The following NRXN1 variants were observed in gnomAD, a reference collection of about 807,000 sequenced individuals.
NRXN1 encodes neurexin-1.
In NRXN1, 39 loss-of-function variants were observed where a neutral mutation model predicts 150.9. The observed-to-expected ratio is 0.26, with a 90% CI of 0.20 to 0.34. The LOEUF is 0.34. Ranked by LOEUF, NRXN1 falls within the 10% of genes least tolerant of loss-of-function variation. The pLI is 1.00. For synonymous variants in NRXN1, 924 were observed against 757.0 expected, an observed-to-expected ratio of 1.22 and a Z score of -3.62; for missense variants, 1,815 against 1,949.9, an observed-to-expected ratio of 0.93 and a Z score of 1.30.
chr2:50,876,034 C>A (rs1013588018), intron 5 of NRXN1, among the ~76,000 whole-genome samples: 1 of 151,848 alleles, frequency 6.6e-6, no homozygotes, highest in Non-Finnish European at 1.5e-5. Flanking sequence ...GACAGGGATT[C>A]TGTCATGCTG....
chr2:50,007,613 T>A (rs1684984480), intron 21 of NRXN1, among the ~76,000 whole-genome samples: 1 of 152,174 alleles, frequency 6.6e-6, no homozygotes, highest in South Asian at 2.1e-4. Context: ...TGCCACATTT[T>A]CTTTATCCAG....
At chr2:50,838,003 C>T (rs1386301179) in intron 5 of NRXN1, among the ~76,000 whole-genome samples, 3 of 152,002 alleles carry the variant, frequency 2.0e-5, no homozygotes, top group African/African-American at 7.2e-5. Context: ...AAGACTGTTG[C>T]CTGAGTGAAA....
chr2:50,828,818 A>C (rs1379127470), intron 5 of NRXN1, among the ~76,000 whole-genome samples: 1 of 152,118 alleles, frequency 6.6e-6, no homozygotes, highest in African/African-American at 2.4e-5. Context: ...CTCACTTCCC[A>C]GACGGGGTGG....
chr2:50,618,908 TG>T (rs1265703555), intron 8 of NRXN1, among the ~76,000 whole-genome samples: 1 of 152,062 alleles, frequency 6.6e-6, no homozygotes, highest in Non-Finnish European at 1.5e-5. Flanking sequence ...CTACAAAGCA[TG>T]GGTAGGTTTG....
At chr2:51,014,516 G>A (rs1228645266) in intron 2 of NRXN1, among the ~76,000 whole-genome samples, 1 of 151,990 alleles carries the variant, frequency 6.6e-6, no homozygotes, top group Non-Finnish European at 1.5e-5. Context: ...TTTTGAAAAA[G>A]AGAAAAAATA....
At chr2:50,942,656 G>A (rs1479487072) in intron 2 of NRXN1, among the ~76,000 whole-genome samples, 1 of 152,164 alleles carries the variant, frequency 6.6e-6, no homozygotes, top group Non-Finnish European at 1.5e-5. Context: ...CTTTGTTTGG[G>A]CCAATTCCTC....
intron 17 of NRXN1, among the ~76,000 whole-genome samples, chr2:50,302,127 A>G (rs17040449): frequency 0.084 from 12,828 of 152,188 alleles, 626 homozygotes; most frequent in Middle Eastern, 0.14. Context: ...AGAAAAAAAT[A>G]TAATGAAGTT....
At chr2:50,376,968 T>G (rs1313056272) in intron 17 of NRXN1, among the ~76,000 whole-genome samples, 1 of 152,028 alleles carries the variant, frequency 6.6e-6, no homozygotes, top group African/African-American at 2.4e-5. Context: ...TTTTCTTTTT[T>G]TTTTTAAATG....
chr2:50,679,442 A>C (rs910022158), intron 5 of NRXN1, among the ~76,000 whole-genome samples: 1 of 152,058 alleles, frequency 6.6e-6, no homozygotes, highest in Non-Finnish European at 1.5e-5. Flanking sequence ...ATATCTGAAA[A>C]TGTTTTAGCT....
chr2:50,330,457 A>G (rs1190586532), intron 17 of NRXN1, among the ~76,000 whole-genome samples: 1 of 152,144 alleles, frequency 6.6e-6, no homozygotes, highest in African/African-American at 2.4e-5. Context: ...AAACAAGGCC[A>G]CGTCCTTTTG....
At chr2:50,504,811 A>G (rs2092137192) in intron 13 of NRXN1, among the ~76,000 whole-genome samples, 1 of 152,236 alleles carries the variant, frequency 6.6e-6, no homozygotes, top group African/African-American at 2.4e-5. Flanking sequence ...TCAAAAGGCC[A>G]TTCTAGCACC....
chr2:50,876,190 G>C lies in NRXN1; in HGVS notation c.832+45679C>G, dbSNP rs557907586. ...AAACTCAGAAGTACATCTTCCTCTT[G>C]ATGAATATAAAACCCATCCTAGAGG... On this transcript the variant is annotated intron_variant, in intron 5 of 22. Transcript: ENST00000401669. 6.3e-4 allele frequency among the ~76,000 whole-genome samples: 95 copies of C among 151,806 alleles called. 1 individual carries two copies. The highest frequency in any genetic ancestry group is 4.3e-4 in the Non-Finnish European group (29 of 67,860).
At chr2:50,330,792 C>T (rs955480741) in intron 17 of NRXN1, among the ~76,000 whole-genome samples, 2 of 152,128 alleles carry the variant, frequency 1.3e-5, no homozygotes, top group Admixed American at 1.3e-4. Flanking sequence ...AACGTTATCA[C>T]TTGGATATGG....
intron 1 of NRXN1, 139 bp from the exon 2 acceptor site, chr2:51,029,333 A>T (rs1199166106): frequency 6.6e-6 from 1 of 152,226 alleles, no homozygotes. Context: ...AGCTTTTGTT[A>T]TCCTCACTAC....
At chr2:50,569,090 T>C (rs1670278544) in intron 8 of NRXN1, among the ~76,000 whole-genome samples, 1 of 152,090 alleles carries the variant, frequency 6.6e-6, no homozygotes, top group East Asian at 1.9e-4. Context: ...GAGCTAAAAG[T>C]TAAAACAATT....
At chr2:50,827,333 T>C (rs536614924) in intron 5 of NRXN1, among the ~76,000 whole-genome samples, 193 of 152,350 alleles carry the variant, frequency 1.3e-3, no homozygotes, top group African/African-American at 4.5e-3. Flanking sequence ...TATTGTTTCA[T>C]AGCAGTTAGT....
intron 2 of NRXN1, among the ~76,000 whole-genome samples, chr2:51,025,452 C>T (rs1380903502): frequency 6.6e-6 from 1 of 152,144 alleles, no homozygotes; most frequent in Admixed American, 6.5e-5. Context: ...TGAATCCCTA[C>T]ATTAAAAATG....
intron 5 of NRXN1, among the ~76,000 whole-genome samples, chr2:50,709,383 A>G (rs1387457058): frequency 6.6e-6 from 1 of 152,178 alleles, no homozygotes; most frequent in Non-Finnish European, 1.5e-5. Context: ...ACAGTGAAAT[A>G]GAAATACACA....
chr2:50,919,527 C>T (rs1467851656), intron 5 of NRXN1: 1 of 151,344 alleles, frequency 6.6e-6, no homozygotes, highest in East Asian at 2.0e-4. Flanking sequence ...CATTAATCCA[C>T]AAAACTTCAT....
Sources: allele counts gnomAD v4.1 joint callset (sites outside exome capture counted in the v4.1 genomes callset), GRCh38; gene constraint gnomAD v4.1.1; transcripts MANE v1.5; gene names NCBI Gene and HGNC (gene_info 2026-07-23, HGNC 2026-07-21).